ARSG: variants seen among roughly 807,000 people sequenced by gnomAD.
The protein encoded by ARSG is arylsulfatase G.
A neutral mutation model predicts 50.5 loss-of-function variants in ARSG; 37 were observed. The observed-to-expected ratio is 0.73, with a 90% CI of 0.56 to 0.96. The LOEUF (loss-of-function observed/expected upper bound fraction) is 0.96. ARSG is among the 50% of genes least tolerant of loss of function. ARSG has a pLI of 0.00. For synonymous variants in ARSG, 225 were observed against 254.6 expected (o/e 0.88, Z 1.11); for missense variants, 629 against 675.3 (o/e 0.93, Z 0.76).
downstream of ARSG, chr17:68,426,246 G>A: frequency 1.1e-6 from 1 of 894,422 alleles, no homozygotes; most frequent in African/African-American, 1.7e-5. Context: ...GGCGGGTGGG[G>A]AGCGGGGGCT....
chr17:68,355,548 T>C (rs1259311403), intron 5 of ARSG, among the ~76,000 whole-genome samples: 2 of 152,108 alleles, frequency 1.3e-5, no homozygotes, highest in African/African-American at 4.8e-5. Context: ...AGAGATGGGG[T>C]TTCACCATGT....
intron 1 of ARSG, among the ~76,000 whole-genome samples, chr17:68,263,965 C>T (rs1265969149): frequency 1.3e-5 from 2 of 152,156 alleles, no homozygotes; most frequent in East Asian, 1.9e-4. Flanking sequence ...TCAAGTGCTT[C>T]TCCTGCCTCA....
rs572261205 is a variant in ARSG at position 68,340,308 on chromosome 17, T to C, written c.219-3296T>C. The stretch of plus-strand genomic sequence containing the variant: ...TTCTTTTTGTGTGTGTGTGTGTGAC[T>C]GAGTCTTGCTTTGTCTCCCAAGCTG... On this transcript the variant is annotated intron_variant, in intron 2 of 11. Transcript: ENST00000621439. 3.3e-5 allele frequency among the ~76,000 whole-genome samples: 5 copies of C among 151,926 alleles called. No individual in the cohort carries two copies. The South Asian group carries it at 1.0e-3, about 32-fold the overall frequency.
intron 9 of ARSG, among the ~76,000 whole-genome samples, chr17:68,386,539 G>A (rs917294193): frequency 1.3e-5 from 2 of 152,242 alleles, no homozygotes; most frequent in South Asian, 4.2e-4. Context: ...CAGAAATTCC[G>A]GGTCAGCCCT....
chr17:68,307,335 A>T lies in ARSG; in HGVS notation c.-159A>T. ...AGCCCCCAACATTCCTATAGCCGTT[A>T]TCACTGCCATCACCACTGCCACCAG... On this transcript the variant is annotated 5_prime_UTR_variant, in exon 2 of 12. Transcript: ENST00000621439. 1.6e-6 allele frequency: 1 copy of T among 620,826 alleles called. No homozygotes were observed. The allele number at this position is 620,826 out of a possible 1,614,324, so 38.5% of individuals were successfully genotyped here.
chr17:68,362,959 G>T (rs979548137), intron 6 of ARSG, among the ~76,000 whole-genome samples: 1 of 152,144 alleles, frequency 6.6e-6, no homozygotes, highest in Non-Finnish European at 1.5e-5. Flanking sequence ...GAATGAATGA[G>T]TGAGTTACTT....
intron 8 of ARSG, among the ~76,000 whole-genome samples, chr17:68,377,658 G>A (rs1599956192): frequency 6.6e-6 from 1 of 152,106 alleles, no homozygotes; most frequent in East Asian, 1.9e-4. Context: ...AAACAACCTG[G>A]CGGAACCCCA....
At chr17:68,310,948 T>C (rs1029377631) in intron 2 of ARSG, among the ~76,000 whole-genome samples, 18 of 152,132 alleles carry the variant, frequency 1.2e-4, no homozygotes, top group Admixed American at 7.9e-4. Flanking sequence ...CGCCTGTAAT[T>C]CCAGCACTTT....
At chr17:68,346,950 A>G in intron 3 of ARSG, 175 bp from the exon 4 acceptor site, 1 of 1,516,506 alleles carries the variant, frequency 6.6e-7, no homozygotes, top group Non-Finnish European at 8.8e-7. Flanking sequence ...CCCTGTGGAC[A>G]CCGTCTCGGC....
intron 2 of ARSG, among the ~76,000 whole-genome samples, chr17:68,313,321 A>G (rs1230701144): frequency 6.6e-6 from 1 of 152,190 alleles, no homozygotes; most frequent in African/African-American, 2.4e-5. Flanking sequence ...TCGGAGAGCC[A>G]GAAGTCCAAA....
Position 68,381,686 on chromosome 17 carries a change from G to A in ARSG, c.983-3378G>A, listed in dbSNP as rs2080439971. On this transcript the variant is annotated intron_variant, in intron 8 of 11. Coordinates refer to ENST00000621439, the MANE Select transcript of ARSG (RefSeq NM_001267727.2). This position sits in a 1 kb window ranked among gnomAD's most constrained non-coding sequence, Gnocchi z 4.1. ...TTGAAACGTGCTGTGTTCTCTTCCC[G>A]ATCTTGCCCCTTGCCCTCCTTCCCT... Among the ~76,000 whole-genome samples, 1 of 152,110 alleles carries A rather than the reference G, an allele frequency of 6.6e-6. No homozygotes were observed. The highest frequency in any genetic ancestry group is 2.4e-5 in the African/African-American group (1 of 41,414).
chr17:68,273,573 T>G (rs1318794173), intron 1 of ARSG, among the ~76,000 whole-genome samples: 3 of 152,160 alleles, frequency 2.0e-5, no homozygotes, highest in Non-Finnish European at 4.4e-5. Context: ...AAGTCTGGCA[T>G]GTTGCACTTC....
chr17:68,361,367 A>G (rs552969560), intron 6 of ARSG, among the ~76,000 whole-genome samples: 10 of 152,308 alleles, frequency 6.6e-5, no homozygotes, highest in Admixed American at 3.9e-4. Context: ...TTGTCTGTTA[A>G]TAAGCCAAGA....
chr17:68,392,992 G>A (rs1382672030), intron 9 of ARSG, among the ~76,000 whole-genome samples: 1 of 152,198 alleles, frequency 6.6e-6, no homozygotes, highest in East Asian at 1.9e-4. Flanking sequence ...TCACCAAGCT[G>A]GTGACAGGTA....
intron 2 of ARSG, among the ~76,000 whole-genome samples, chr17:68,313,829 C>T (rs2076964508): frequency 3.3e-5 from 5 of 152,054 alleles, no homozygotes; most frequent in Non-Finnish European, 7.4e-5. Flanking sequence ...CAGGCACCTG[C>T]CACTACGCAC....
intron 1 of ARSG, chr17:68,278,267 C>T: frequency 6.2e-7 from 1 of 1,614,198 alleles, no homozygotes; most frequent in Non-Finnish European, 8.5e-7. Context: ...CTCCATCAGG[C>T]ACTTCAGTAT....
At chr17:68,308,692 A>T (rs2076710174) in intron 2 of ARSG, among the ~76,000 whole-genome samples, 1 of 152,072 alleles carries the variant, frequency 6.6e-6, no homozygotes, top group South Asian at 2.1e-4. Context: ...CATCCTGCTG[A>T]TTGGTAGAGC....
intron 5 of ARSG, 53 bp downstream of exon 5, chr17:68,351,739 A>G: frequency 3.3e-6 from 4 of 1,201,532 alleles, no homozygotes; most frequent in Non-Finnish European, 3.7e-6. Flanking sequence ...CAAAGTTCCA[A>G]GACTGTGGTC....
chr17:68,391,810 T>TG (rs764804754), intron 9 of ARSG, among the ~76,000 whole-genome samples: 9 of 152,058 alleles, frequency 5.9e-5, no homozygotes, highest in Non-Finnish European at 8.8e-5. Context: ...TGCATCAGAG[T>TG]GGGGTGCCAG....
Sources: allele counts gnomAD v4.1 joint callset (sites outside exome capture counted in the v4.1 genomes callset), GRCh38; gene constraint gnomAD v4.1.1; non-coding constraint Gnocchi (gnomAD v3.1); transcripts MANE v1.5; gene names NCBI Gene and HGNC (gene_info 2026-07-23, HGNC 2026-07-21).